Variants in BAHCC1 observed in about 807,000 individuals in gnomAD.
The protein encoded by BAHCC1 is BAH and coiled-coil domain-containing protein 1.
Under a neutral mutation model 88.2 loss-of-function variants are expected in BAHCC1, and 43 were observed. The ratio of observed to expected loss-of-function variants is 0.49; its 90% CI spans 0.38 to 0.63. BAHCC1 has a LOEUF of 0.63. BAHCC1 is among the 20% of genes least tolerant of loss of function. The pLI is 0.00. For missense variants in BAHCC1, 3,023 were observed against 1,654.8 expected (o/e 1.83, Z -14.34); for synonymous variants, 1,510 against 745.5 (o/e 2.03, Z -16.71).
chr17:81,407,379 G>A, intron 2 of BAHCC1: 1 of 520,082 alleles, frequency 1.9e-6, no homozygotes, highest in Non-Finnish European at 3.8e-6. Context: ...GGGAAGTCGG[G>A]TCTCAGTGCG....
intron 10 of BAHCC1, among the ~76,000 whole-genome samples, chr17:81,445,925 G>C (rs1218104718): frequency 1.3e-5 from 2 of 152,266 alleles, no homozygotes; most frequent in Non-Finnish European, 2.9e-5. Context: ...GCGGGAGGAA[G>C]ACGGGGTCCC....
At chr17:81,448,493 C>T (rs1310628816) in intron 11 of BAHCC1, among the ~76,000 whole-genome samples, 1 of 152,208 alleles carries the variant, frequency 6.6e-6, no homozygotes, top group African/African-American at 2.4e-5. Context: ...TCCAGTGCTC[C>T]CGGGAAAGCG....
At chr17:81,400,019 C>T in intron 2 of BAHCC1, 102 bp downstream of exon 2, 7 of 1,025,960 alleles carry the variant, frequency 6.8e-6, no homozygotes, top group Middle Eastern at 3.8e-4. Context: ...GGTTTCATTT[C>T]CCGGCCCCGG....
rs568126467 is a variant in BAHCC1 at position 81,447,147 on chromosome 17, G to A, written c.3275G>A (p.Gly1092Glu). ...DPETMQTTAP[G>E]AQPEPTRTFL... ...GAAACTATGCAAACCACCGCCCCGG[G>A]GGCCCAGCCTGAGCCCACAAGGACA... Residue 1092 changes from glycine (G) to glutamate (E), a missense_variant, in exon 11 of 28, where the codon GGG (glycine) becomes GAG (glutamate). Physicochemically the swap from Gly to Glu is moderately conservative, Grantham distance 98 (BLOSUM62 -2). Coordinates refer to ENST00000675386, the MANE Select transcript of BAHCC1 (RefSeq NM_001377448.1). 6.7e-4 allele frequency: 519 copies of A among 778,462 alleles called. 6 individuals carry two copies. Among genetic ancestry groups the A allele is most frequent in the South Asian group, 6.5e-3 (487 of 74,550 alleles). The allele number at this position is 778,462 out of a possible 1,614,324, so 48.2% of individuals were successfully genotyped here. A position where few individuals can be genotyped will look rare whatever the true frequency, so the allele number is the denominator to read the frequency against.
chr17:81,440,295 C>T (rs2064393579), intron 4 of BAHCC1, among the ~76,000 whole-genome samples: 1 of 152,218 alleles, frequency 6.6e-6, no homozygotes, highest in South Asian at 2.1e-4. Context: ...GCACAGGGGA[C>T]TCCCTCTGGG....
intron 27 of BAHCC1, 37 bp downstream of exon 27, chr17:81,463,013 G>T: frequency 1.3e-6 from 1 of 763,962 alleles, no homozygotes; most frequent in Non-Finnish European, 2.4e-6. Context: ...AGCCCCCCTC[G>T]GGGCCCCAGG....
intron 22 of BAHCC1, 55 bp downstream of exon 22, chr17:81,459,383 C>A (rs1342252915): frequency 5.2e-6 from 4 of 762,758 alleles, no homozygotes; most frequent in Non-Finnish European, 9.8e-6. Flanking sequence ...TGTCCCAGGA[C>A]AAAGGAAGGC....
At chr17:81,443,780 C>A in intron 5 of BAHCC1, 29 bp from the exon 6 acceptor site, 1 of 706,128 alleles carries the variant, frequency 1.4e-6, no homozygotes. Flanking sequence ...CCCCAACCCT[C>A]TCCCGTCTGC....
rs1363367189 is a variant in BAHCC1 at position 81,456,601 on chromosome 17, G to C, written c.4858+16G>C. Reference sequence around the variant, plus strand: ...CAGGAGGCAGGCAAGTTGCTGGCGTGAGTGGCCACTGCCAGGAGCCCCGGT... The same window carrying C: ...CAGGAGGCAGGCAAGTTGCTGGCGTCAGTGGCCACTGCCAGGAGCCCCGGT... On this transcript the variant is annotated intron_variant, in intron 16 of 27. Coordinates refer to ENST00000675386, the MANE Select transcript of BAHCC1 (RefSeq NM_001377448.1). The C allele has an allele frequency of 1.4e-6, 1 of 690,754 alleles. No individual in the cohort carries two copies. Among genetic ancestry groups the C allele is most frequent in the Admixed American group, 2.3e-5 (1 of 42,590 alleles). The allele number at this position is 690,754 out of a possible 1,614,324, so 42.8% of individuals were successfully genotyped here. A position where few individuals can be genotyped will look rare whatever the true frequency, so the allele number is the denominator to read the frequency against.
intron 2 of BAHCC1, chr17:81,406,924 G>A (rs1222280594): frequency 4.4e-6 from 2 of 456,342 alleles, no homozygotes; most frequent in East Asian, 1.4e-4. Flanking sequence ...TTCCCGATCG[G>A]ATCAGCCAGG....
intron 2 of BAHCC1, among the ~76,000 whole-genome samples, chr17:81,421,252 A>C (rs8070484): frequency 1.3e-4 from 20 of 152,240 alleles, no homozygotes; most frequent in Non-Finnish European, 2.9e-5. Context: ...CTTGGCCCAC[A>C]CGGTCTGGCC....
chr17:81,417,874 G>T (rs1343349870), intron 2 of BAHCC1, among the ~76,000 whole-genome samples: 1 of 152,170 alleles, frequency 6.6e-6, no homozygotes. Context: ...TGCAGGTCCC[G>T]GGCTGAGCCC....
chr17:81,418,510 G>T (rs1227625880), intron 2 of BAHCC1, among the ~76,000 whole-genome samples: 1 of 152,122 alleles, frequency 6.6e-6, no homozygotes, highest in Non-Finnish European at 1.5e-5. Flanking sequence ...GAGATCTGAG[G>T]CCCCCCTCTA....
chr17:81,406,980 GACAA>G, intron 2 of BAHCC1: 1 of 456,320 alleles, frequency 2.2e-6, no homozygotes, highest in Non-Finnish European at 4.4e-6. Context: ...GGAAGGGAGG[GACAA>G]ACAGGTGGGC....
At chr17:81,402,864 G>T (rs781896893) in intron 2 of BAHCC1, 2 of 152,178 alleles carry the variant, frequency 1.3e-5, no homozygotes, top group African/African-American at 4.8e-5. Context: ...TTCTTCCATT[G>T]TTTTTCTAAA....
In BAHCC1 at chr17:81,442,587, C is replaced by T. The variant is rs781827248; in HGVS notation, c.1238C>T (p.Ala413Val). 7.8e-6 allele frequency: 6 copies of T among 773,470 alleles called. No homozygotes were observed. The highest frequency in any genetic ancestry group is 1.4e-5 in the Non-Finnish European group (6 of 414,688). The allele number at this position is 773,470 out of a possible 1,614,324, so 47.9% of individuals were successfully genotyped here. Residue 413 changes from alanine to valine, a missense_variant, in exon 5 of 28, where the codon GCC becomes GTC. Coordinates refer to ENST00000675386, the MANE Select transcript of BAHCC1 (RefSeq NM_001377448.1). ...DKGRPFQAAEACAVAGEGKDR... is the reference protein window; with the variant it reads ...DKGRPFQAAEVCAVAGEGKDR... ...GGCCGCCCCTTCCAGGCCGCCGAGGCCTGTGCCGTGGCAGGGGAGGGCAAG... is the reference window on the plus strand; with the variant it reads ...GGCCGCCCCTTCCAGGCCGCCGAGGTCTGTGCCGTGGCAGGGGAGGGCAAG...
rs1555658018 is a variant in BAHCC1, at chr17:81,458,367, C to A, written c.5244C>A (p.Pro1748=). The A allele has an allele frequency of 4.1e-6, 3 of 726,984 alleles. No homozygotes were observed. Among genetic ancestry groups the A allele is most frequent in the East Asian group, 2.6e-5 (1 of 38,184 alleles). The allele number at this position is 726,984 out of a possible 1,614,324, so 45.0% of individuals were successfully genotyped here. The change falls in exon 18 of 28, where the codon CCC becomes CCA. Residue 1748 remains proline (P), a synonymous_variant. Coordinates refer to ENST00000675386, the MANE Select transcript of BAHCC1 (RefSeq NM_001377448.1). ...ATPSRDALFN[P]SRAFACREEG... is the part of the protein sequence containing the mutation. ...CCAGCAGGGACGCCCTCTTCAACCC[C>A]TCTCGGGCCTTCGCCTGCCGTGAGG...
At position 81,460,374 on chromosome 17, in the gene BAHCC1, G is replaced by A. The variant is rs1466811960; in HGVS notation, c.6003G>A (p.Leu2001=). 1 of 769,588 alleles carries A rather than the reference G, an allele frequency of 1.3e-6. No homozygotes were observed. Among genetic ancestry groups the A allele is most frequent in the Non-Finnish European group, 2.4e-6 (1 of 413,080 alleles). The allele number at this position is 769,588 out of a possible 1,614,324, so 47.7% of individuals were successfully genotyped here. Residue 2001 remains leucine, a synonymous_variant, in exon 24 of 28, where the codon CTG becomes CTA. Transcript: ENST00000675386. Reference sequence around the variant, plus strand: ...TCGCCGTCTCCAACGTCAGGCTGCTGCCCCCTGACTTCAAGATCCAGTGTG... The same window carrying A: ...TCGCCGTCTCCAACGTCAGGCTGCTACCCCCTGACTTCAAGATCCAGTGTG... ...GHIAVSNVRL[L]PPDFKIQCTE...
chr17:81,409,551 C>T (rs114493724), intron 2 of BAHCC1, among the ~76,000 whole-genome samples: 2,234 of 152,308 alleles, frequency 0.015, 65 homozygotes, highest in African/African-American at 0.051. Flanking sequence ...TGATTGTCCA[C>T]GCGGGGTCGC....
Sources: allele counts gnomAD v4.1 joint callset (sites outside exome capture counted in the v4.1 genomes callset), GRCh38; gene constraint gnomAD v4.1.1; transcripts MANE v1.5; gene names NCBI Gene and HGNC (gene_info 2026-07-23, HGNC 2026-07-21).